CNKSR2: variants seen among roughly 807,000 people sequenced by gnomAD.
The protein encoded by CNKSR2 is CNK homolog protein 2.
A neutral mutation model predicts 84.4 loss-of-function variants in CNKSR2; 14 were observed. The observed-to-expected ratio is 0.17, with a 90% CI of 0.11 to 0.26. The LOEUF (loss-of-function observed/expected upper bound fraction) is 0.26, where lower values mean the gene tolerates loss of function less well. Ranked by LOEUF, CNKSR2 falls within the 10% of genes least tolerant of loss-of-function variation. CNKSR2 has a pLI of 1.00. For missense variants in CNKSR2, 485 were observed against 771.2 expected, an observed-to-expected ratio of 0.63 and a Z score of 4.40; for synonymous variants, 275 against 277.9, an observed-to-expected ratio of 0.99 and a Z score of 0.10.
intron 20 of CNKSR2, chrX:21,643,596 G>T (rs2092698192): frequency 9.0e-6 from 1 of 111,437 alleles, no homozygotes; most frequent in Admixed American, 9.5e-5. Context: ...AATGTTGGTG[G>T]AGTCACTCAA....
intron 1 of CNKSR2, among the ~76,000 whole-genome samples, chrX:21,392,912 C>T (rs1424492487): frequency 9.0e-6 from 1 of 111,352 alleles, no homozygotes; most frequent in East Asian, 2.8e-4. Flanking sequence ...AAACTTTATA[C>T]TTGCCCTTAA....
At chrX:21,586,763 C>T (rs1444384924) in intron 13 of CNKSR2, among the ~76,000 whole-genome samples, 1 of 111,001 alleles carries the variant, frequency 9.0e-6, no homozygotes, top group East Asian at 2.8e-4. Flanking sequence ...ATGAAATAAA[C>T]ACTCTATCGA....
intron 17 of CNKSR2, 124 bp from the exon 18 acceptor site, chrX:21,601,158 A>G: frequency 2.4e-6 from 1 of 412,749 alleles, no homozygotes; most frequent in East Asian, 4.3e-5. Flanking sequence ...ATAGTAGCAA[A>G]GAACACATCT....
At chrX:21,510,925 A>G (rs903081284) in intron 8 of CNKSR2, among the ~76,000 whole-genome samples, 10 of 111,996 alleles carry the variant, frequency 8.9e-5, no homozygotes, top group African/African-American at 3.2e-4. Flanking sequence ...AGTGTATGTG[A>G]AAAACATTAT....
intron 3 of CNKSR2, among the ~76,000 whole-genome samples, chrX:21,439,942 C>A (rs1247284597): frequency 9.2e-6 from 1 of 108,851 alleles, no homozygotes; most frequent in Non-Finnish European, 1.9e-5. Flanking sequence ...CTGATATACC[C>A]CTCCCCCCCA....
At chrX:21,651,145 C>T (rs1207840362) in intron 21 of CNKSR2, among the ~76,000 whole-genome samples, 3 of 111,632 alleles carry the variant, frequency 2.7e-5, no homozygotes, top group Non-Finnish European at 5.7e-5. Context: ...TGGCTACTGC[C>T]AATGTTCAGT....
Position 21,526,916 on chromosome X carries a change from C to T in CNKSR2, c.1007C>T (p.Thr336Ile). 1 of 1,203,190 alleles carries T rather than the reference C, an allele frequency of 8.3e-7. No individual in the cohort carries two copies. Among genetic ancestry groups the T allele is most frequent in the Non-Finnish European group, 1.1e-6 (1 of 888,634 alleles). The change falls in exon 10 of 22, where the codon ACC becomes ATC. Residue 336 changes from threonine (T) to isoleucine (I), a missense_variant. This residue lies in a region of CNKSR2 where 132 missense variants were observed against 166.7 expected (regional missense o/e 0.79). Coordinates refer to ENST00000379510, the MANE Select transcript of CNKSR2 (RefSeq NM_014927.5). ...PTSSVATPSSTISTPTKRDSS... is the reference protein window; with the variant it reads ...PTSSVATPSSIISTPTKRDSS... ...AGCAGCGTTGCCACGCCTTCCAGCA[C>T]CATCAGTACACCCACCAAAAGAGAC... is the stretch of plus-strand genomic sequence containing the variant.
intron 20 of CNKSR2, among the ~76,000 whole-genome samples, chrX:21,637,614 A>G (rs1474434822): frequency 1.8e-5 from 2 of 111,342 alleles, no homozygotes; most frequent in East Asian, 2.8e-4. Flanking sequence ...GGCCCTCAAA[A>G]TTTGGACAGA....
intron 11 of CNKSR2, among the ~76,000 whole-genome samples, chrX:21,550,023 A>G (rs1337886368): frequency 8.9e-6 from 1 of 112,137 alleles, no homozygotes; most frequent in African/African-American, 3.2e-5. Flanking sequence ...AGGCTTCATG[A>G]CTAAAACACC....
chrX:21,629,878 A>G (rs1291202559), intron 20 of CNKSR2, among the ~76,000 whole-genome samples: 1 of 112,600 alleles, frequency 8.9e-6, no homozygotes, highest in Admixed American at 9.4e-5. Context: ...ATGACCATAT[A>G]ATGAATTATG....
intron 4 of CNKSR2, among the ~76,000 whole-genome samples, chrX:21,450,003 G>A (rs1055605769): frequency 2.7e-5 from 3 of 111,698 alleles, no homozygotes; most frequent in Admixed American, 9.5e-5. Flanking sequence ...AGAATTTTGA[G>A]GACAACAATA....
At chrX:21,526,120 A>G (rs1217187036) in intron 9 of CNKSR2, among the ~76,000 whole-genome samples, 1 of 110,069 alleles carries the variant, frequency 9.1e-6, no homozygotes, top group Non-Finnish European at 1.9e-5. Flanking sequence ...ACAACCTCCT[A>G]TTTAATACTT....
At position 21,374,926 on chromosome X, in the gene CNKSR2, A is replaced by G. The variant is rs1447310284; in HGVS notation, c.29A>G (p.Lys10Arg). Residue 10 changes from lysine to arginine, a missense_variant, in exon 1 of 22, where the codon AAA (lysine) becomes AGA (arginine). By Grantham distance (26) the Lys-to-Arg change is conservative. Around this residue, in one of 5 missense-constraint regions of CNKSR2, gnomAD observed 109 missense variants for 197.5 expected, o/e 0.55. Coordinates refer to ENST00000379510, the MANE Select transcript of CNKSR2 (RefSeq NM_014927.5). The stretch of plus-strand genomic sequence containing the variant: ...GCTCTGATAATGGAACCGGTGAGCA[A>G]ATGGTCTCCGAGTCAAGTAGTGGAC... MALIMEPVS[K>R]WSPSQVVDWM... 6.6e-6 allele frequency: 8 copies of G among 1,210,103 alleles called. No individual in the cohort carries two copies. Among genetic ancestry groups the G allele is most frequent in the Non-Finnish European group, 7.8e-6 (7 of 893,904 alleles).
chrX:21,401,669 A>G (rs1477319917), intron 1 of CNKSR2, among the ~76,000 whole-genome samples: 1 of 112,189 alleles, frequency 8.9e-6, no homozygotes, highest in Non-Finnish European at 1.9e-5. Flanking sequence ...TTTCATTTTA[A>G]GAATCGGTCA....
At chrX:21,582,101 G>T (rs1040113901) in intron 13 of CNKSR2, among the ~76,000 whole-genome samples, 1 of 111,198 alleles carries the variant, frequency 9.0e-6, no homozygotes, top group African/African-American at 3.3e-5. Flanking sequence ...TAATATTATC[G>T]TACCTTAATT....
chrX:21,427,009 A>G (rs1455686156), intron 2 of CNKSR2: 3 of 192,058 alleles, frequency 1.6e-5, no homozygotes, highest in Non-Finnish European at 2.8e-5. Context: ...ACAGTGTTAC[A>G]TACATACAGT....
chrX:21,589,199 G>A (rs941105933), intron 13 of CNKSR2, among the ~76,000 whole-genome samples: 9 of 111,964 alleles, frequency 8.0e-5, no homozygotes, highest in African/African-American at 2.9e-4. Context: ...GATTATTTCT[G>A]GAAAGCTTTG....
chrX:21,494,695 T>A (rs2091475337), intron 6 of CNKSR2: 1 of 111,522 alleles, frequency 9.0e-6, no homozygotes, highest in Non-Finnish European at 1.9e-5. Flanking sequence ...TACATGCCTG[T>A]TCATATGTTG....
intron 5 of CNKSR2, 145 bp downstream of exon 5, chrX:21,470,952 A>G (rs1275172352): frequency 7.3e-6 from 2 of 272,863 alleles, no homozygotes; most frequent in Non-Finnish European, 1.4e-5. Flanking sequence ...TCAAAGCATA[A>G]CAAGTTACGT....
Sources: gnomAD v4.1 joint callset for allele counts (sites outside exome capture counted in the v4.1 genomes callset) on GRCh38, gnomAD v4.1.1 for gene constraint, gnomAD v4.1.1 regional missense constraint, MANE v1.5 for transcripts, NCBI Gene and HGNC (gene_info 2026-07-23, HGNC 2026-07-21) for gene names.